Variants in GPD2 observed in about 807,000 individuals in gnomAD.
GPD2 encodes glycerol-3-phosphate dehydrogenase 2, also known as glycerol-3-phosphate dehydrogenase, mitochondrial.
A neutral mutation model predicts 82.4 loss-of-function variants in GPD2; 54 were observed. The observed-to-expected ratio is 0.66, with a 90% CI of 0.53 to 0.82. The LOEUF (loss-of-function observed/expected upper bound fraction) is 0.82. GPD2 is among the 40% of genes least tolerant of loss of function. GPD2 has a pLI of 0.00. For synonymous variants in GPD2, 288 were observed against 306.1 expected (o/e 0.94, Z 0.62); for missense variants, 748 against 896.2 (o/e 0.83, Z 2.11).
Position 156,572,685 on chromosome 2 carries a change from C to T in GPD2, c.1767+1393C>T, listed in dbSNP as rs566282099. Among the ~76,000 whole-genome samples the T allele has an allele frequency of 8.6e-5, 13 of 152,030 alleles. No individual in the cohort carries two copies. In the South Asian group the frequency reaches 2.3e-3, roughly 27 times the overall value. On this transcript the variant is annotated intron_variant, in intron 13 of 16. Coordinates refer to ENST00000438166, the MANE Select transcript of GPD2 (RefSeq NM_000408.5). ...TCCAAAGGCCAAGCACTGGAGCACA[C>T]CAAAGTTTAGAAGCATAGGATATAA...
the GPD2 span, among the ~76,000 whole-genome samples, chr2:156,417,707 A>G: frequency 2.6e-5 from 4 of 152,106 alleles, no homozygotes; most frequent in African/African-American, 9.7e-5. Flanking sequence ...GGAAAAAGTT[A>G]TATTTTATCA....
the GPD2 span, among the ~76,000 whole-genome samples, chr2:156,422,606 T>C: frequency 6.6e-6 from 1 of 151,956 alleles, no homozygotes; most frequent in African/African-American, 2.4e-5. Context: ...GGCAGGCACC[T>C]GTAGTCCCAG....
chr2:156,465,956 G>C (rs1454659470), intron 1 of GPD2, among the ~76,000 whole-genome samples: 2 of 152,080 alleles, frequency 1.3e-5, no homozygotes, highest in African/African-American at 4.8e-5. Flanking sequence ...ACCATTTCTT[G>C]TTAGTTGATA....
chr2:156,426,563 G>C, the GPD2 span, among the ~76,000 whole-genome samples: 1 of 152,170 alleles, frequency 6.6e-6, no homozygotes, highest in Non-Finnish European at 1.5e-5. Flanking sequence ...TGTATCCCTA[G>C]AACAATAGAA....
chr2:156,509,703 A>G (rs1343356330), intron 3 of GPD2, among the ~76,000 whole-genome samples: 1 of 151,660 alleles, frequency 6.6e-6, no homozygotes, highest in Non-Finnish European at 1.5e-5. Flanking sequence ...TAAAGGGGGC[A>G]TGGGCAACTT....
At chr2:156,540,307 G>T (rs1026283614) in intron 6 of GPD2, among the ~76,000 whole-genome samples, 2 of 152,176 alleles carry the variant, frequency 1.3e-5, no homozygotes, top group African/African-American at 2.4e-5. Context: ...CTGGATTAGA[G>T]GTTCTTTGGG....
In GPD2 at chr2:156,582,802, G is replaced by T. The variant is rs763268883; in HGVS notation, c.2068G>T (p.Ala690Ser). ...ELNEFLQLMS[A>S]IQKGRVSGSR... Reference sequence around the variant, plus strand: ...ATATTTTCTCTTTAAGCTGATGAGTGCTATTCAAAAAGGAAGGGTATCTGG... The same window carrying T: ...ATATTTTCTCTTTAAGCTGATGAGTTCTATTCAAAAAGGAAGGGTATCTGG... Residue 690 changes from alanine (A) to serine (S), a missense_variant, in exon 17 of 17, where the codon GCT (alanine) becomes TCT (serine). By Grantham distance (99) the Ala-to-Ser change is moderately conservative. Transcript: ENST00000438166. The T allele has an allele frequency of 6.2e-7, 1 of 1,612,916 alleles. No homozygotes were observed. Among genetic ancestry groups the T allele is most frequent in the Non-Finnish European group, 8.5e-7 (1 of 1,179,096 alleles).
intron 3 of GPD2, among the ~76,000 whole-genome samples, chr2:156,501,493 A>G (rs2105252578): frequency 6.6e-6 from 1 of 152,170 alleles, no homozygotes; most frequent in East Asian, 1.9e-4. Flanking sequence ...AATGGAGGAT[A>G]ATAATAACAT....
chr2:156,504,179 A>G (rs1684698774), intron 3 of GPD2, among the ~76,000 whole-genome samples: 1 of 152,184 alleles, frequency 6.6e-6, no homozygotes, highest in Non-Finnish European at 1.5e-5. Flanking sequence ...TCACTTTTGG[A>G]AAATACCAGG....
intron 3 of GPD2, 101 bp downstream of exon 3, chr2:156,496,316 G>A: frequency 3.8e-6 from 3 of 787,124 alleles, no homozygotes; most frequent in South Asian, 1.5e-5. Flanking sequence ...GTGGTTTGCT[G>A]CACCTATCAA....
chr2:156,509,572 A>G (rs932794367), intron 3 of GPD2, among the ~76,000 whole-genome samples: 2 of 151,778 alleles, frequency 1.3e-5, no homozygotes, highest in Non-Finnish European at 2.9e-5. Flanking sequence ...ATTGGCTTTC[A>G]TCTCTCAACT....
chr2:156,424,076 G>A, the GPD2 span, among the ~76,000 whole-genome samples: 5 of 152,140 alleles, frequency 3.3e-5, no homozygotes, highest in East Asian at 5.8e-4. Context: ...AAGCAAACAA[G>A]GGCTGGAGAG....
intron 1 of GPD2, among the ~76,000 whole-genome samples, chr2:156,464,032 A>G (rs1683074092): frequency 6.6e-6 from 1 of 152,186 alleles, no homozygotes; most frequent in Non-Finnish European, 1.5e-5. Flanking sequence ...TCAACTGAGG[A>G]GAGTAAGATC....
intron 6 of GPD2, 111 bp downstream of exon 6, chr2:156,513,607 C>T: frequency 2.4e-6 from 2 of 850,274 alleles, no homozygotes; most frequent in Middle Eastern, 3.2e-4. Context: ...TAATCTTACA[C>T]AACACACAAA....
chr2:156,428,848 T>G, the GPD2 span, among the ~76,000 whole-genome samples: 150 of 152,318 alleles, frequency 9.8e-4, no homozygotes, highest in Middle Eastern at 3.4e-3. Flanking sequence ...ATGATGATTT[T>G]GCTGATAGAG....
At chr2:156,520,904 A>G (rs1334925464) in intron 6 of GPD2, among the ~76,000 whole-genome samples, 1 of 152,074 alleles carries the variant, frequency 6.6e-6, no homozygotes, top group South Asian at 2.1e-4. Context: ...TTATTTTTAA[A>G]CTTTGTAAAA....
At chr2:156,403,107 CCT>C in the GPD2 span, among the ~76,000 whole-genome samples, 5 of 19,454 alleles carry the variant, frequency 2.6e-4, no homozygotes, top group South Asian at 1.7e-3. Flanking sequence ...AAAGTGAGCC[CCT>C]GTCTCAAAAA....
At chr2:156,491,968 C>T (rs1278841151) in intron 2 of GPD2, among the ~76,000 whole-genome samples, 1 of 149,886 alleles carries the variant, frequency 6.7e-6, no homozygotes, top group South Asian at 2.1e-4. Flanking sequence ...TGGAGTGAGC[C>T]GAGATTGTGC....
intron 6 of GPD2, among the ~76,000 whole-genome samples, chr2:156,532,301 C>T (rs2105307849): frequency 6.6e-6 from 1 of 152,318 alleles, no homozygotes; most frequent in South Asian, 2.1e-4. Context: ...GCCACTGCAT[C>T]CAGCCCCCAG....
Sources: gnomAD v4.1 joint callset for allele counts (sites outside exome capture counted in the v4.1 genomes callset) on GRCh38, gnomAD v4.1.1 for gene constraint, MANE v1.5 for transcripts, NCBI Gene and HGNC (gene_info 2026-07-23, HGNC 2026-07-21) for gene names.